NUMA1: variants seen among roughly 807,000 people sequenced by gnomAD.
NUMA1 encodes the protein nuclear mitotic apparatus protein 1.
In NUMA1, 62 loss-of-function variants were observed where a neutral mutation model predicts 237.1. The ratio of observed to expected loss-of-function variants is 0.26; its 90% CI spans 0.21 to 0.32. The LOEUF (loss-of-function observed/expected upper bound fraction) is 0.32, where lower values mean the gene tolerates loss of function less well. Among genes scored for constraint, NUMA1 ranks in the 10% least tolerant of loss-of-function variants. The pLI is 1.00. For synonymous variants in NUMA1, 1,028 were observed against 1,066.1 expected (o/e 0.96, Z 0.70); for missense variants, 2,533 against 2,666.5 (o/e 0.95, Z 1.10).
chr11:72,024,668 G>T, intron 4 of NUMA1: 1 of 362,486 alleles, frequency 2.8e-6, no homozygotes. Context: ...CAGATGAACG[G>T]GAAGCTATAT....
At chr11:72,070,400 A>G (rs189745103) in intron 1 of NUMA1, among the ~76,000 whole-genome samples, 28 of 152,348 alleles carry the variant, frequency 1.8e-4, no homozygotes, top group Non-Finnish European at 3.7e-4. Context: ...TGAATTGATC[A>G]AGCCAGTCTT....
intron 7 of NUMA1, chr11:72,022,106 AC>A (rs1938934018): frequency 2.4e-6 from 1 of 409,550 alleles, no homozygotes; most frequent in African/African-American, 2.1e-5. Context: ...ATAAAAAAGG[AC>A]TTGAAAGTAC....
chr11:72,074,212 C>T lies in NUMA1; in HGVS notation c.-102-4301G>A, dbSNP rs1184229880. 3.0e-4 allele frequency among the ~76,000 whole-genome samples: 3 copies of T among 10,132 alleles called. 1 individual carries two copies. Among genetic ancestry groups the T allele is most frequent in the South Asian group, 4.6e-3 (2 of 438 alleles). 6.6% of individuals were successfully genotyped at this position (10,132 alleles called of 152,430 possible). The stretch of plus-strand genomic sequence containing the variant: ...TCCATCTCAAAAAAAATTAACCAGA[C>T]GGTAGTGGTGTGCGCCTGTAATCCC... On this transcript the variant is annotated intron_variant, in intron 1 of 26. Coordinates refer to ENST00000393695, the MANE Select transcript of NUMA1 (RefSeq NM_006185.4).
At chr11:72,048,253 C>T (rs1424323928) in intron 2 of NUMA1, among the ~76,000 whole-genome samples, 1 of 150,812 alleles carries the variant, frequency 6.6e-6, no homozygotes, top group African/African-American at 2.4e-5. Flanking sequence ...TGAGCCACTG[C>T]ACCCAGCCAG....
At chr11:72,079,043 A>G (rs1458655110) in intron 1 of NUMA1, among the ~76,000 whole-genome samples, 2 of 152,224 alleles carry the variant, frequency 1.3e-5, no homozygotes, top group Non-Finnish European at 2.9e-5. Flanking sequence ...CATTCCAGTA[A>G]AGAGGACAGC....
intron 3 of NUMA1, among the ~76,000 whole-genome samples, chr11:72,031,975 A>T (rs1940386024): frequency 2.7e-5 from 1 of 37,126 alleles, no homozygotes. Flanking sequence ...AAAAAATTAA[A>T]AAAAAAAAAA....
intron 1 of NUMA1, among the ~76,000 whole-genome samples, chr11:72,074,760 G>A (rs1943630226): frequency 6.6e-6 from 1 of 152,198 alleles, no homozygotes; most frequent in South Asian, 2.1e-4. Context: ...CAGGCTGGGT[G>A]CAATGGCTCA....
chr11:72,070,679 G>T (rs562133926), intron 1 of NUMA1, among the ~76,000 whole-genome samples: 3 of 152,126 alleles, frequency 2.0e-5, no homozygotes, highest in Admixed American at 1.3e-4. Flanking sequence ...GTGGTGGAGT[G>T]TGCCTGGGTC....
chr11:72,014,033 C>T lies in NUMA1; in HGVS notation c.3470G>A (p.Arg1157Gln), dbSNP rs139134927. The T allele has an allele frequency of 2.3e-4, 375 of 1,611,238 alleles. No homozygotes were observed. Among genetic ancestry groups the T allele is most frequent in the Non-Finnish European group, 3.0e-4 (351 of 1,179,956 alleles). Residue 1157 changes from arginine (R) to glutamine (Q), a missense_variant, in exon 15 of 27, where the codon CGG becomes CAG. This residue lies in a region of NUMA1 where 1,414 missense variants were observed against 1,508.1 expected (regional missense o/e 0.94). Transcript: ENST00000393695. The surrounding 1 kb of genome is among the most constrained non-coding windows in gnomAD (Gnocchi z 4.6). The part of the protein sequence containing the change: ...ERSLEAERAS[R>Q]AERDSALETL... ...CTCCAGAGCACTGTCCCGCTCAGCCCGGGAGGCCCGCTCAGCCTCGAGGCT... is the reference window on the plus strand; with the variant it reads ...CTCCAGAGCACTGTCCCGCTCAGCCTGGGAGGCCCGCTCAGCCTCGAGGCT...
At chr11:72,040,628 G>A (rs957735812) in intron 2 of NUMA1, 2 of 152,282 alleles carry the variant, frequency 1.3e-5, no homozygotes, top group Non-Finnish European at 2.9e-5. Flanking sequence ...CAGAAATGGT[G>A]AAGCCCTCTC....
chr11:72,059,861 A>G (rs185419544), intron 2 of NUMA1, among the ~76,000 whole-genome samples: 226 of 150,392 alleles, frequency 1.5e-3, no homozygotes, highest in African/African-American at 5.3e-3. Flanking sequence ...AGTCTCACCA[A>G]CAGAGGATAA....
chr11:72,048,431 G>A (rs1483545284), intron 2 of NUMA1, among the ~76,000 whole-genome samples: 1 of 151,226 alleles, frequency 6.6e-6, no homozygotes, highest in Non-Finnish European at 1.5e-5. Flanking sequence ...GAGTACAATG[G>A]CACGACCTCA....
At chr11:72,017,619 A>G (rs1321913613) in intron 13 of NUMA1, 68 bp downstream of exon 13, 14 of 1,581,456 alleles carry the variant, frequency 8.9e-6, no homozygotes, top group Non-Finnish European at 1.1e-5. Flanking sequence ...AGAAGAGCAC[A>G]GTGGTAAACT....
rs1252963549 is a variant in NUMA1, at chr11:72,015,146, C to T, written c.2357G>A (p.Arg786Gln). The change falls in exon 15 of 27, where the codon CGG (arginine) becomes CAG (glutamine). Residue 786 changes from arginine (R) to glutamine (Q), a missense_variant. By Grantham distance (43) the Arg-to-Gln change is conservative. Transcript: ENST00000393695. This position sits in a 1 kb window ranked among gnomAD's most constrained non-coding sequence, Gnocchi z 4.0. ...AGCCATGGCCTCTGCCAGCTCCCGC[C>T]GCAGGACTTCAGTCTCAGCCTGATG... ...EAHQAETEVL[R>Q]RELAEAMAAQ... 22 of 1,613,516 alleles carry T rather than the reference C, an allele frequency of 1.4e-5. No homozygotes were observed. Among genetic ancestry groups the T allele is most frequent in the Middle Eastern group, 1.6e-4 (1 of 6,062 alleles).
Position 72,080,532 on chromosome 11 carries a change from A to G in NUMA1, c.-177T>C, listed in dbSNP as rs1944088747. ...TTCGTGGGCTCGCGCCAGCGCTGTG[A>G]GCGCACAATTAGTTTAAACTATGGC... On this transcript the variant is annotated 5_prime_UTR_variant, in exon 1 of 27. Coordinates refer to ENST00000393695, the MANE Select transcript of NUMA1 (RefSeq NM_006185.4). 2 of 151,860 alleles carry G rather than the reference A, an allele frequency of 1.3e-5. No homozygotes were observed. Among genetic ancestry groups the G allele is most frequent in the Non-Finnish European group, 2.9e-5 (2 of 67,978 alleles). The allele number at this position is 151,860 out of a possible 1,614,324, so 9.4% of individuals were successfully genotyped here.
intron 2 of NUMA1, among the ~76,000 whole-genome samples, chr11:72,061,005 G>T (rs1016302744): frequency 1.3e-5 from 2 of 152,222 alleles, no homozygotes; most frequent in African/African-American, 4.8e-5. Flanking sequence ...GGAGTTGGAG[G>T]CTGCAGTGAG....
In NUMA1 at chr11:72,021,014, G is replaced by C. The variant is rs1037549508; in HGVS notation, c.460+190C>G. ...AACTGCTGCCAGGCAGCAAGGAGGAGCTCCATAGGAACTGAGATGATACAA... is the reference window on the plus strand; with the variant it reads ...AACTGCTGCCAGGCAGCAAGGAGGACCTCCATAGGAACTGAGATGATACAA... On this transcript the variant is annotated intron_variant, in intron 8 of 26. Transcript: ENST00000393695. 5 of 572,730 alleles carry C rather than the reference G, an allele frequency of 8.7e-6. No individual in the cohort carries two copies. The African/African-American group carries it at 9.3e-5, about 11-fold the overall frequency. The allele number at this position is 572,730 out of a possible 1,614,324, so 35.5% of individuals were successfully genotyped here. A position where few individuals can be genotyped will look rare whatever the true frequency, so the allele number is the denominator to read the frequency against.
chr11:72,014,386 G>T lies in NUMA1; in HGVS notation c.3117C>A (p.Asn1039Lys), dbSNP rs778442958. The T allele has an allele frequency of 4.1e-5, 66 of 1,612,116 alleles. No homozygotes were observed. In the South Asian group the frequency reaches 7.0e-4, roughly 17 times the overall value. Residue 1039 changes from asparagine to lysine, a missense_variant, in exon 15 of 27, where the codon AAC becomes AAA. Physicochemically the swap from Asn to Lys is moderately conservative, Grantham distance 94 (BLOSUM62 0). Coordinates refer to ENST00000393695, the MANE Select transcript of NUMA1 (RefSeq NM_006185.4). The surrounding 1 kb of genome is among the most constrained non-coding windows in gnomAD (Gnocchi z 4.6). ...GGGTAGCGAACTCCACACGCTGCTC[G>T]TTGAGGGCGTTCTGCAGCCGCATCT... ...ELEMRLQNAL[N>K]EQRVEFATLQ...
chr11:72,046,588 G>A (rs1942011981), intron 2 of NUMA1, among the ~76,000 whole-genome samples: 1 of 151,542 alleles, frequency 6.6e-6, no homozygotes, highest in Admixed American at 6.6e-5. Context: ...TGGAGAGCGG[G>A]GAGAGGGAGA....
Sources: gnomAD v4.1 joint callset for allele counts (sites outside exome capture counted in the v4.1 genomes callset) on GRCh38, gnomAD v4.1.1 for gene constraint, gnomAD v4.1.1 regional missense constraint, Gnocchi (gnomAD v3.1) non-coding constraint, MANE v1.5 for transcripts, NCBI Gene and HGNC (gene_info 2026-07-23, HGNC 2026-07-21) for gene names.